The following PDE1C variants were observed in gnomAD, a reference collection of about 807,000 sequenced individuals.
PDE1C encodes the protein phosphodiesterase 1C.
In PDE1C, 62 loss-of-function variants were observed where a neutral mutation model predicts 93.1. That is an observed-to-expected ratio of 0.67 (90% CI 0.54 to 0.82). The LOEUF (loss-of-function observed/expected upper bound fraction) is 0.82, where lower values mean the gene tolerates loss of function less well. Among genes scored for constraint, PDE1C ranks in the 40% least tolerant of loss-of-function variants. PDE1C has a pLI of 0.00. For missense variants in PDE1C, 742 were observed against 884.6 expected (o/e 0.84, Z 2.04); for synonymous variants, 325 against 310.1 (o/e 1.05, Z -0.50).
intron 3 of PDE1C, 78 bp downstream of exon 3, chr7:31,880,668 TG>T (rs1418649666): frequency 1.3e-6 from 1 of 799,738 alleles, no homozygotes; most frequent in African/African-American, 1.7e-5. Context: ...ATTCCTGGCA[TG>T]GGGGACAATT....
At chr7:32,044,551 G>T (rs1044440203) in intron 2 of PDE1C, among the ~76,000 whole-genome samples, 3 of 152,086 alleles carry the variant, frequency 2.0e-5, no homozygotes, top group Admixed American at 6.6e-5. Flanking sequence ...TATGCAGCAT[G>T]GAGAAGATGA....
intron 1 of PDE1C, among the ~76,000 whole-genome samples, chr7:32,292,301 T>C (rs1812384819): frequency 6.6e-6 from 1 of 152,228 alleles, no homozygotes; most frequent in Non-Finnish European, 1.5e-5. Flanking sequence ...ACATGAGATC[T>C]ACCCTCTAAG....
At chr7:32,400,769 C>G (rs1784926240) in intron 1 of PDE1C, among the ~76,000 whole-genome samples, 2 of 152,214 alleles carry the variant, frequency 1.3e-5, no homozygotes, top group Admixed American at 1.3e-4. Context: ...AATGGCAAAA[C>G]AGTGACACTG....
chr7:32,237,763 CT>C (rs58726659), intron 1 of PDE1C, among the ~76,000 whole-genome samples: 1 of 104,648 alleles, frequency 9.6e-6, no homozygotes, highest in Non-Finnish European at 1.8e-5. Flanking sequence ...TATATATATA[CT>C]TTTTTTTTTT....
At chr7:31,876,992 G>C (rs1386913987) in intron 5 of PDE1C, among the ~76,000 whole-genome samples, 1 of 152,122 alleles carries the variant, frequency 6.6e-6, no homozygotes, top group African/African-American at 2.4e-5. Flanking sequence ...AATTAATCAA[G>C]AAGCACTCCC....
intron 1 of PDE1C, among the ~76,000 whole-genome samples, chr7:32,220,657 A>T (rs367758422): frequency 1.3e-5 from 2 of 152,094 alleles, no homozygotes; most frequent in Non-Finnish European, 2.9e-5. Context: ...CTACTAAAAA[A>T]ATATAAAAAA....
chr7:32,355,643 T>C (rs1784016677), intron 1 of PDE1C, among the ~76,000 whole-genome samples: 1 of 152,208 alleles, frequency 6.6e-6, no homozygotes, highest in Non-Finnish European at 1.5e-5. Context: ...CCCTTAGCAG[T>C]TTGTTCCTAT....
At chr7:32,083,295 T>G in intron 3 of PDE1C, among the ~76,000 whole-genome samples, 1 of 149,624 alleles carries the variant, frequency 6.7e-6, no homozygotes, top group East Asian at 2.0e-4. Flanking sequence ...AAGGGAAGTT[T>G]ACAGAAAAAA....
chr7:31,806,952 A>T (rs1786917149), intron 16 of PDE1C, among the ~76,000 whole-genome samples: 1 of 151,924 alleles, frequency 6.6e-6, no homozygotes, highest in Non-Finnish European at 1.5e-5. Flanking sequence ...TCCTTTTTAA[A>T]TTTTTCTGAA....
chr7:31,741,026 C>T, the PDE1C span, among the ~76,000 whole-genome samples: 2 of 149,818 alleles, frequency 1.3e-5, no homozygotes, highest in Non-Finnish European at 3.0e-5. Flanking sequence ...CATGCCACTG[C>T]ACTCCAGCCT....
intron 3 of PDE1C, among the ~76,000 whole-genome samples, chr7:32,080,616 A>C (rs1796609123): frequency 6.6e-6 from 1 of 152,194 alleles, no homozygotes; most frequent in Admixed American, 6.5e-5. Context: ...TGCACCCTCC[A>C]GATAAGTGAA....
At position 32,124,097 on chromosome 7, in the gene PDE1C, T is replaced by C. The variant is rs193130336; in HGVS notation, c.308+45688A>G. ...GACAGCCAAATCATGAATGAACTCC[T>C]ATTCATAATTGCTACAAAGAGAATA... On this transcript the variant is annotated intron_variant, in intron 3 of 18. Coordinates refer to the PDE1C transcript ENST00000396193. 2.4e-3 allele frequency among the ~76,000 whole-genome samples: 360 copies of C among 152,212 alleles called. 2 individuals are homozygous for C. Among genetic ancestry groups the C allele is most frequent in the African/African-American group, 8.5e-3 (351 of 41,536 alleles).
At chr7:31,895,991 T>TTACATACATACATACA (rs6150057) in intron 2 of PDE1C, among the ~76,000 whole-genome samples, 69,050 of 148,300 alleles carry the variant, frequency 0.47, 17,054 homozygotes, top group East Asian at 0.7. Context: ...ACACTCTCCC[T>TTACATACATACATACA]TACATACATA....
In PDE1C at chr7:32,335,395, G is replaced by A. The variant is rs146399218; in HGVS notation, c.310+92427C>T. On this transcript the variant is annotated intron_variant, in intron 1 of 1. Coordinates refer to the PDE1C transcript ENST00000672256. ...TTCTCACCAAGGCCAGGAGTGTTTG[G>A]TCCAATAGCTCTGCATTGGTTTGCT... Among the ~76,000 whole-genome samples, 37 of 152,300 alleles carry A rather than the reference G, an allele frequency of 2.4e-4. 1 individual carries two copies. The South Asian group carries it at 5.6e-3, about 23-fold the overall frequency.
chr7:32,257,732 T>C (rs548885044), intron 1 of PDE1C, among the ~76,000 whole-genome samples: 4 of 152,328 alleles, frequency 2.6e-5, no homozygotes, highest in East Asian at 1.9e-4. Flanking sequence ...ATCACTTCAA[T>C]TGTCCAAACC....
intron 2 of PDE1C, among the ~76,000 whole-genome samples, chr7:31,984,604 TC>T (rs1306287457): frequency 6.6e-6 from 1 of 152,198 alleles, no homozygotes; most frequent in African/African-American, 2.4e-5. Flanking sequence ...ACCCAAATTT[TC>T]ACTGCGTGCA....
intron 2 of PDE1C, among the ~76,000 whole-genome samples, chr7:31,991,842 C>G (rs189534188): frequency 1.4e-4 from 22 of 152,332 alleles, no homozygotes; most frequent in Admixed American, 6.5e-4. Context: ...TAGTAGCATA[C>G]TTAACAACCT....
intron 2 of PDE1C, among the ~76,000 whole-genome samples, chr7:32,182,058 G>T (rs1803479688): frequency 1.3e-5 from 2 of 152,112 alleles, no homozygotes. Flanking sequence ...AGAAGAAATG[G>T]ATAAATTCCT....
chr7:32,309,781 A>G (rs1182362202), intron 1 of PDE1C, among the ~76,000 whole-genome samples: 1 of 152,206 alleles, frequency 6.6e-6, no homozygotes, highest in Non-Finnish European at 1.5e-5. Flanking sequence ...ACTGGTACCA[A>G]CCACTGAAAA....
Sources: allele counts gnomAD v4.1 joint callset (sites outside exome capture counted in the v4.1 genomes callset), GRCh38; gene constraint gnomAD v4.1.1; transcripts MANE v1.5; gene names NCBI Gene and HGNC (gene_info 2026-07-23, HGNC 2026-07-21).